Variants in NFIB observed in about 807,000 individuals in gnomAD.
The protein encoded by NFIB is nuclear factor 1 B-type.
A neutral mutation model predicts 61.5 loss-of-function variants in NFIB; 11 were observed. The observed-to-expected ratio is 0.18, with a 90% CI of 0.11 to 0.30. The LOEUF is 0.30. Ranked by LOEUF, NFIB falls within the 10% of genes least tolerant of loss-of-function variation. NFIB has a pLI of 1.00. For synonymous variants in NFIB, 260 were observed against 216.5 expected (o/e 1.20, Z -1.76); for missense variants, 471 against 608.9 (o/e 0.77, Z 2.38).
intron 1 of NFIB, among the ~76,000 whole-genome samples, chr9:14,351,271 G>A (rs1474067786): frequency 1.3e-5 from 2 of 152,188 alleles, no homozygotes; most frequent in African/African-American, 4.8e-5. Context: ...TGGGCAGTGG[G>A]TTCCTTCTGA....
intron 2 of NFIB, among the ~76,000 whole-genome samples, chr9:14,240,549 T>G (rs2054247838): frequency 1.3e-5 from 2 of 152,186 alleles, no homozygotes; most frequent in African/African-American, 4.8e-5. Context: ...CTCAACAGCT[T>G]CACTTGTTTA....
At chr9:14,333,948 T>C (rs544582752) in intron 1 of NFIB, among the ~76,000 whole-genome samples, 1 of 152,344 alleles carries the variant, frequency 6.6e-6, no homozygotes, top group South Asian at 2.1e-4. Context: ...TTTTGAACTT[T>C]ACATAAGAAA....
intron 6 of NFIB, among the ~76,000 whole-genome samples, chr9:14,126,661 G>C (rs1242825304): frequency 6.6e-6 from 1 of 152,212 alleles, no homozygotes; most frequent in African/African-American, 2.4e-5. Context: ...GGTCCCACAG[G>C]ATGACGGGTC....
chr9:14,440,884 G>C, the NFIB span, among the ~76,000 whole-genome samples: 1 of 152,166 alleles, frequency 6.6e-6, no homozygotes, highest in South Asian at 2.1e-4. Flanking sequence ...ACTACACAAA[G>C]GTATTAAGAG....
At chr9:14,320,153 A>G (rs2060629636) in intron 1 of NFIB, among the ~76,000 whole-genome samples, 1 of 152,220 alleles carries the variant, frequency 6.6e-6, no homozygotes, top group South Asian at 2.1e-4. Flanking sequence ...AAAGAATAAA[A>G]ATTTATTTTG....
At chr9:14,323,494 C>G (rs1039103651) in intron 1 of NFIB, among the ~76,000 whole-genome samples, 1 of 152,044 alleles carries the variant, frequency 6.6e-6, no homozygotes, top group Non-Finnish European at 1.5e-5. Context: ...AAATATAACA[C>G]TAGCCCTAAC....
At chr9:14,115,812 A>G (rs2038042660) in intron 9 of NFIB, among the ~76,000 whole-genome samples, 1 of 152,202 alleles carries the variant, frequency 6.6e-6, no homozygotes, top group South Asian at 2.1e-4. Context: ...CTTGATTTCT[A>G]TAGGAATGCT....
chr9:14,437,483 A>G, the NFIB span, among the ~76,000 whole-genome samples: 3 of 152,140 alleles, frequency 2.0e-5, no homozygotes, highest in Non-Finnish European at 2.9e-5. Flanking sequence ...TTCATCCCCA[A>G]AGATTGTTGA....
the NFIB span, among the ~76,000 whole-genome samples, chr9:14,405,969 G>C: frequency 6.6e-6 from 1 of 152,188 alleles, no homozygotes; most frequent in Non-Finnish European, 1.5e-5. Context: ...GTTTTTGAGG[G>C]AATTGTACTG....
At chr9:14,151,267 G>A (rs915058101) in intron 4 of NFIB, among the ~76,000 whole-genome samples, 14 of 152,226 alleles carry the variant, frequency 9.2e-5, no homozygotes, top group African/African-American at 3.1e-4. Context: ...CTGGTAGACT[G>A]GAATGGTTAG....
At chr9:14,371,398 T>C (rs1337932911) in intron 1 of NFIB, among the ~76,000 whole-genome samples, 4 of 152,188 alleles carry the variant, frequency 2.6e-5, no homozygotes, top group East Asian at 3.9e-4. Flanking sequence ...AGTGGTATTA[T>C]AGGATTTGTT....
At chr9:14,491,664 C>T in the NFIB span, among the ~76,000 whole-genome samples, 9 of 152,280 alleles carry the variant, frequency 5.9e-5, no homozygotes, top group Admixed American at 3.3e-4. Context: ...TTCTCCTTAC[C>T]TTGTGGAAAT....
At chr9:14,202,309 A>G (rs967852249) in intron 2 of NFIB, among the ~76,000 whole-genome samples, 4 of 152,240 alleles carry the variant, frequency 2.6e-5, no homozygotes, top group African/African-American at 9.6e-5. Context: ...CACAACAGCT[A>G]TTGCAGCATG....
chr9:14,227,385 T>C (rs2052564481), intron 2 of NFIB, among the ~76,000 whole-genome samples: 1 of 152,144 alleles, frequency 6.6e-6, no homozygotes, highest in African/African-American at 2.4e-5. Context: ...TATTAGGAAG[T>C]ACTCAAAACT....
the NFIB span, among the ~76,000 whole-genome samples, chr9:14,488,738 T>C: frequency 6.6e-6 from 1 of 152,222 alleles, no homozygotes; most frequent in African/African-American, 2.4e-5. Context: ...TTACTATTTT[T>C]ATTAAAGCAA....
rs900020865 is a variant in NFIB at position 14,083,728 on chromosome 9, G to T, written c.*4581C>A. On this transcript the variant is annotated 3_prime_UTR_variant, in exon 11 of 11. Transcript: ENST00000380953. ...CACAGTACATAGAATTTGAATCTAG[G>T]TAAAGAACATGTCCTGCTGTCACAC... 2 of 224,726 alleles carry T rather than the reference G, an allele frequency of 8.9e-6. No homozygotes were observed. The highest frequency in any genetic ancestry group is 4.5e-5 in the African/African-American group (2 of 44,786). 13.9% of individuals were successfully genotyped at this position (224,726 alleles called of 1,614,324 possible).
chr9:14,457,705 A>C, the NFIB span, among the ~76,000 whole-genome samples: 4 of 152,324 alleles, frequency 2.6e-5, no homozygotes, highest in East Asian at 5.8e-4. Context: ...ATCCCACAGA[A>C]ATACAAACTA....
At chr9:14,237,004 C>T (rs1432837902) in intron 2 of NFIB, among the ~76,000 whole-genome samples, 3 of 152,034 alleles carry the variant, frequency 2.0e-5, no homozygotes, top group Non-Finnish European at 2.9e-5. Context: ...CAGTGGCAAA[C>T]GCCAACATTA....
At chr9:14,486,483 G>A in the NFIB span, among the ~76,000 whole-genome samples, 1 of 152,182 alleles carries the variant, frequency 6.6e-6, no homozygotes, top group Non-Finnish European at 1.5e-5. Flanking sequence ...AGGAAAATAT[G>A]CCTAGGGACT....
Sources: gnomAD v4.1 joint callset for allele counts (sites outside exome capture counted in the v4.1 genomes callset) on GRCh38, gnomAD v4.1.1 for gene constraint, MANE v1.5 for transcripts, NCBI Gene and HGNC (gene_info 2026-07-23, HGNC 2026-07-21) for gene names.